The following PKHD1 variants were observed in gnomAD, a reference collection of about 807,000 sequenced individuals.
PKHD1 encodes fibrocystin.
Under a neutral mutation model 412.0 loss-of-function variants are expected in PKHD1, and 291 were observed. The observed-to-expected ratio is 0.71, with a 90% confidence interval of 0.64 to 0.78. The LOEUF is 0.78. Among genes scored for constraint, PKHD1 ranks in the 30% least tolerant of loss-of-function variants. The pLI, the probability that PKHD1 is intolerant of heterozygous loss-of-function variation, is 0.00. For missense variants in PKHD1, 4,825 were observed against 4,950.7 expected (o/e 0.97, Z 0.76); for synonymous variants, 1,777 against 1,821.5 (o/e 0.98, Z 0.62).
chr6:51,758,815 A>G (rs1325455703), intron 55 of PKHD1, among the ~76,000 whole-genome samples: 2 of 152,278 alleles, frequency 1.3e-5, no homozygotes, highest in East Asian at 3.9e-4. Flanking sequence ...AGACAAAAAT[A>G]TAATACTTAT....
intron 43 of PKHD1, among the ~76,000 whole-genome samples, chr6:51,898,938 C>A (rs1007361744): frequency 6.6e-6 from 1 of 152,198 alleles, no homozygotes; most frequent in Admixed American, 6.5e-5. Context: ...AATTCCTGAA[C>A]ACATACACTC....
chr6:51,780,766 G>A (rs1582650991), intron 53 of PKHD1, among the ~76,000 whole-genome samples: 1 of 152,192 alleles, frequency 6.6e-6, no homozygotes, highest in East Asian at 1.9e-4. Context: ...TATGTTAAAT[G>A]ACTATGTTCC....
In PKHD1 at chr6:52,025,581, C is replaced by A. The variant is rs1235825078; in HGVS notation, c.4229G>T (p.Arg1410Met). The A allele has an allele frequency of 6.2e-7, 1 of 1,614,054 alleles. No homozygotes were observed. The highest frequency in any genetic ancestry group is 1.3e-5 in the African/African-American group (1 of 74,916). Residue 1410 changes from arginine to methionine, a missense_variant, in exon 32 of 67, where the codon AGG becomes ATG. Arg to Met is a moderately conservative substitution (Grantham distance 91, BLOSUM62 -1). Transcript: ENST00000371117. ...SACGGTILTVRGLLLNSRRRS... is the reference protein window; with the variant it reads ...SACGGTILTVMGLLLNSRRRS... ...CCTTCTAGAGTTAAGAAGCAACCCC[C>A]TCACAGTAAGTATGGTCCCACCACA...
chr6:52,077,011 T>C (rs1434173578), intron 5 of PKHD1, among the ~76,000 whole-genome samples: 1 of 152,128 alleles, frequency 6.6e-6, no homozygotes, highest in Non-Finnish European at 1.5e-5. Context: ...GCGGTAGCAT[T>C]CCAAATCATC....
intron 60 of PKHD1, among the ~76,000 whole-genome samples, chr6:51,682,901 C>A (rs1776886590): frequency 1.3e-5 from 2 of 151,932 alleles, no homozygotes; most frequent in Admixed American, 1.3e-4. Flanking sequence ...AGCAATATAC[C>A]TGGATACTTA....
chr6:51,626,516 G>A (rs558344626), intron 66 of PKHD1, among the ~76,000 whole-genome samples: 1 of 152,068 alleles, frequency 6.6e-6, no homozygotes, highest in South Asian at 2.1e-4. Context: ...CACCATAGAG[G>A]CAAATACTAC....
chr6:51,763,987 A>G (rs1394366701), intron 55 of PKHD1, among the ~76,000 whole-genome samples: 1 of 150,652 alleles, frequency 6.6e-6, no homozygotes, highest in East Asian at 2.0e-4. Flanking sequence ...TTTAGGGTAC[A>G]TGTGCACATT....
chr6:51,846,132 C>T (rs1771099254), intron 50 of PKHD1, among the ~76,000 whole-genome samples: 1 of 152,122 alleles, frequency 6.6e-6, no homozygotes, highest in African/African-American at 2.4e-5. Context: ...TGGATCAAAT[C>T]AGAAATAAAA....
chr6:51,726,745 G>C (rs1782620818), intron 60 of PKHD1, among the ~76,000 whole-genome samples: 1 of 152,152 alleles, frequency 6.6e-6, no homozygotes, highest in African/African-American at 2.4e-5. Flanking sequence ...ATCTTGCAGA[G>C]ATGGCATCAG....
At chr6:51,788,903 T>C (rs1391708057) in intron 53 of PKHD1, among the ~76,000 whole-genome samples, 1 of 152,162 alleles carries the variant, frequency 6.6e-6, no homozygotes, top group Non-Finnish European at 1.5e-5. Flanking sequence ...TTATCCCACA[T>C]ATGTTGCAGA....
In PKHD1 at chr6:51,945,436, C is replaced by A. The variant is rs192450678; in HGVS notation, c.5909-11114G>T. Among the ~76,000 whole-genome samples the A allele has an allele frequency of 6.9e-4, 105 of 152,238 alleles. 1 individual carries two copies. In the South Asian group the frequency reaches 0.015, roughly 22 times the overall value. On this transcript the variant is annotated intron_variant, in intron 36 of 66. Transcript: ENST00000371117. The stretch of plus-strand genomic sequence containing the variant: ...CCTATTAATGGTCTGTGGTTTCATC[C>A]GCAAAGTGGAAGGTGGAATTATGAG...
chr6:51,721,988 A>G (rs1377082503), intron 60 of PKHD1: 3 of 1,613,554 alleles, frequency 1.9e-6, no homozygotes, highest in South Asian at 2.2e-5. Context: ...CTCCTCCTCT[A>G]TTCTGAAATC....
chr6:52,031,045 T>G (rs2128159368), intron 29 of PKHD1, among the ~76,000 whole-genome samples: 1 of 152,276 alleles, frequency 6.6e-6, no homozygotes, highest in South Asian at 2.1e-4. Flanking sequence ...GCATTCAATA[T>G]CTGGCAGAAT....
Position 51,870,508 on chromosome 6 carries a change from T to A in PKHD1, c.7482A>T (p.Gly2494=), listed in dbSNP as rs199996156. ...AIRTCSDCSQ[G]QGGFTVKTSQ... The stretch of plus-strand genomic sequence containing the variant: ...TCTGTCTATTCAAATAATTACCTTG[T>A]CCTTGGGAACAGTCTGAACAGGTTC... Residue 2494 remains glycine, a synonymous_variant, in exon 47 of 67, where the codon GGA becomes GGT. Transcript: ENST00000371117. 1,327 of 1,611,556 alleles carry A rather than the reference T, an allele frequency of 8.2e-4. 7 individuals are homozygous for A. The South Asian group carries it at 0.014, about 17-fold the overall frequency.
At chr6:51,959,524 C>T (rs1255193597) in intron 36 of PKHD1, among the ~76,000 whole-genome samples, 1 of 152,056 alleles carries the variant, frequency 6.6e-6, no homozygotes, top group Non-Finnish European at 1.5e-5. Context: ...AAGGCAGCAA[C>T]GTTAACCAAT....
intron 61 of PKHD1, among the ~76,000 whole-genome samples, chr6:51,656,591 ATTTAC>A (rs1293535792): frequency 2.0e-5 from 3 of 151,868 alleles, no homozygotes; most frequent in Admixed American, 2.0e-4. Context: ...ACTGTGTATT[ATTTAC>A]TTTAAAAGTA....
chr6:51,881,314 T>C (rs1407206981), intron 46 of PKHD1, among the ~76,000 whole-genome samples: 1 of 152,124 alleles, frequency 6.6e-6, no homozygotes, highest in Non-Finnish European at 1.5e-5. Context: ...CAAATCAACA[T>C]ATCTATTATC....
intron 57 of PKHD1, among the ~76,000 whole-genome samples, chr6:51,752,612 G>A (rs536699025): frequency 6.6e-6 from 1 of 152,300 alleles, no homozygotes; most frequent in Non-Finnish European, 1.5e-5. Flanking sequence ...GATTTTATAA[G>A]TTGGAGCTAC....
intron 27 of PKHD1, among the ~76,000 whole-genome samples, chr6:52,037,116 G>C (rs913889204): frequency 1.3e-5 from 2 of 152,046 alleles, no homozygotes; most frequent in African/African-American, 4.8e-5. Context: ...TAGGATATAA[G>C]TGACATTTCA....
Sources: gnomAD v4.1 joint callset for allele counts (sites outside exome capture counted in the v4.1 genomes callset) on GRCh38, gnomAD v4.1.1 for gene constraint, MANE v1.5 for transcripts, NCBI Gene and HGNC (gene_info 2026-07-23, HGNC 2026-07-21) for gene names.